The following ST3GAL2 variants were observed in gnomAD, a reference collection of about 807,000 sequenced individuals.
The protein encoded by ST3GAL2 is CMP-N-acetylneuraminate-beta-galactosamide-alpha-2,3-sialyltransferase 2.
ST3GAL2 carries 16 observed loss-of-function variants against 37.5 expected under a neutral mutation model. The observed-to-expected ratio is 0.43, with a 90% CI of 0.29 to 0.65. The LOEUF (loss-of-function observed/expected upper bound fraction) is 0.65, where lower values mean the gene tolerates loss of function less well. Ranked by LOEUF, ST3GAL2 falls within the 30% of genes least tolerant of loss-of-function variation. The pLI is 0.17. For synonymous variants in ST3GAL2, 238 were observed against 202.9 expected (o/e 1.17, Z -1.47); for missense variants, 383 against 487.8 (o/e 0.79, Z 2.02).
At chr16:70,383,001 G>A (rs1413282932) in intron 5 of ST3GAL2, 77 bp from the exon 6 acceptor site, 10 of 1,587,916 alleles carry the variant, frequency 6.3e-6, no homozygotes, top group Non-Finnish European at 8.6e-6. Flanking sequence ...GCTTCTACTT[G>A]TCTATGCCTG....
In ST3GAL2 at chr16:70,398,520, G is replaced by A; in HGVS notation, c.11C>T (p.Ser4Phe). The A allele has an allele frequency of 1.9e-6, 3 of 1,603,848 alleles. No homozygotes were observed. The highest frequency in any genetic ancestry group is 2.6e-6 in the Non-Finnish European group (3 of 1,175,020). The change falls in exon 2 of 7, where the codon TCC (serine) becomes TTC (phenylalanine). Residue 4 changes from serine to phenylalanine, a missense_variant. Physicochemically the swap from Ser to Phe is radical, Grantham distance 155. Transcript: ENST00000342907. ...CACGGAGAGGAACCACACCCGCAGG[G>A]AGCACTTCATGGTGCCGGCAGGCGG... MKC[S>F]LRVWFLSVAF...
At chr16:70,411,537 G>A (rs1005465977) in intron 1 of ST3GAL2, among the ~76,000 whole-genome samples, 24 of 152,174 alleles carry the variant, frequency 1.6e-4, no homozygotes, top group African/African-American at 2.2e-4. Flanking sequence ...TTGCACCCTC[G>A]TATGGCAGAG....
intron 1 of ST3GAL2, chr16:70,400,125 C>T (rs1401763310): frequency 6.6e-6 from 1 of 152,410 alleles, no homozygotes; most frequent in African/African-American, 2.4e-5. Context: ...TTGGTCCTGC[C>T]CCCGGACAGC....
intron 4 of ST3GAL2, among the ~76,000 whole-genome samples, chr16:70,387,842 C>T (rs1432583317): frequency 1.3e-5 from 2 of 151,842 alleles, no homozygotes; most frequent in Non-Finnish European, 2.9e-5. Flanking sequence ...TGGCCGGGTG[C>T]GGTGGCTCAC....
intron 4 of ST3GAL2, among the ~76,000 whole-genome samples, chr16:70,384,811 G>A (rs913809805): frequency 2.7e-5 from 4 of 149,938 alleles, no homozygotes; most frequent in African/African-American, 7.4e-5. Context: ...GATCACCTGA[G>A]GTCAGGGGTT....
At chr16:70,388,324 G>A in intron 4 of ST3GAL2, 43 bp downstream of exon 4, 2 of 1,611,804 alleles carry the variant, frequency 1.2e-6, no homozygotes, top group South Asian at 1.1e-5. Flanking sequence ...TGCCCAAGAT[G>A]GTCCTGTCAC....
chr16:70,425,954 C>T (rs755761322), intron 1 of ST3GAL2, among the ~76,000 whole-genome samples: 6 of 152,174 alleles, frequency 3.9e-5, no homozygotes, highest in Non-Finnish European at 8.8e-5. Context: ...GCCCTGACTG[C>T]ATGGCCTTCT....
chr16:70,406,227 T>C (rs2047591419), intron 1 of ST3GAL2, among the ~76,000 whole-genome samples: 1 of 152,018 alleles, frequency 6.6e-6, no homozygotes, highest in Non-Finnish European at 1.5e-5. Flanking sequence ...GCAGATCACC[T>C]GGGGTCAGGA....
At chr16:70,416,602 T>C (rs2047678242) in intron 1 of ST3GAL2, among the ~76,000 whole-genome samples, 1 of 152,126 alleles carries the variant, frequency 6.6e-6, no homozygotes, top group South Asian at 2.1e-4. Context: ...AAAGAAATGA[T>C]GGTTATAAAA....
intron 3 of ST3GAL2, among the ~76,000 whole-genome samples, chr16:70,392,486 C>T (rs1346357191): frequency 1.3e-5 from 2 of 152,192 alleles, no homozygotes; most frequent in African/African-American, 4.8e-5. Flanking sequence ...TGTTGGCTGC[C>T]TAGTCCCCTT....
In ST3GAL2 at chr16:70,439,096, C is replaced by G. The variant is rs1450428500; in HGVS notation, c.-1151G>C. The G allele has an allele frequency of 6.3e-6, 1 of 159,234 alleles. No homozygotes were observed. Among genetic ancestry groups the G allele is most frequent in the Non-Finnish European group, 1.4e-5 (1 of 73,870 alleles). The allele number at this position is 159,234 out of a possible 1,614,324, so 9.9% of individuals were successfully genotyped here. ...AGCTCTCTCGTCCGCCCGCCGTGGG[C>G]TAGTCCCGCCCTTGCCTGGCCCAAC... On this transcript the variant is annotated 5_prime_UTR_variant, in exon 1 of 7. Transcript: ENST00000342907.
chr16:70,432,006 G>A (rs72790696), intron 1 of ST3GAL2, among the ~76,000 whole-genome samples: 7,798 of 145,408 alleles, frequency 0.054, 254 homozygotes, highest in Middle Eastern at 0.12. Context: ...ACTTAGCTGG[G>A]CACAAAGTAG....
At chr16:70,403,584 C>T (rs985632514) in intron 1 of ST3GAL2, among the ~76,000 whole-genome samples, 3 of 152,140 alleles carry the variant, frequency 2.0e-5, no homozygotes, top group African/African-American at 4.8e-5. Context: ...GAGGCCGAGG[C>T]GGGCGGATCA....
At chr16:70,402,283 C>CAAAAAA (rs1042560583) in intron 1 of ST3GAL2, among the ~76,000 whole-genome samples, 13 of 40,702 alleles carry the variant, frequency 3.2e-4, no homozygotes, top group East Asian at 7.2e-4. Flanking sequence ...AACTATTTCT[C>CAAAAAA]AAAAAAAAAA....
chr16:70,383,002 T>C, intron 5 of ST3GAL2, 78 bp from the exon 6 acceptor site: 1 of 1,588,440 alleles, frequency 6.3e-7, no homozygotes, highest in Non-Finnish European at 8.6e-7. Flanking sequence ...CTTCTACTTG[T>C]CTATGCCTGT....
chr16:70,389,132 C>T (rs956979478), intron 3 of ST3GAL2, among the ~76,000 whole-genome samples: 2 of 123,412 alleles, frequency 1.6e-5, no homozygotes, highest in Non-Finnish European at 3.2e-5. Context: ...GTAATCCCAG[C>T]ACTTTGGGAG....
chr16:70,409,645 T>C (rs1342523904), intron 1 of ST3GAL2, among the ~76,000 whole-genome samples: 1 of 151,722 alleles, frequency 6.6e-6, no homozygotes, highest in Non-Finnish European at 1.5e-5. Flanking sequence ...GCCCAGGCTT[T>C]TTCCCCCTTT....
rs1475200013 is a variant in ST3GAL2 at position 70,398,771 on chromosome 16, G to A, written c.-241C>T. 12 of 587,148 alleles carry A rather than the reference G, an allele frequency of 2.0e-5. 1 individual carries two copies. The highest frequency in any genetic ancestry group is 1.3e-4 in the African/African-American group (7 of 53,680). The allele number at this position is 587,148 out of a possible 1,614,324, so 36.4% of individuals were successfully genotyped here. ...CGGGGCCCCTGCTTAGGGCTTCATC[G>A]GGTCTCTCCGTCACTAGCTAGGCCA... On this transcript the variant is annotated 5_prime_UTR_variant, in exon 2 of 7. Coordinates refer to ENST00000342907, the MANE Select transcript of ST3GAL2 (RefSeq NM_006927.4).
intron 1 of ST3GAL2, among the ~76,000 whole-genome samples, chr16:70,409,534 G>C (rs1336245749): frequency 1.3e-5 from 2 of 152,056 alleles, no homozygotes; most frequent in Non-Finnish European, 2.9e-5. Flanking sequence ...GTCGAGATGG[G>C]GTTTAACCGT....
Sources: gnomAD v4.1 joint callset for allele counts (sites outside exome capture counted in the v4.1 genomes callset) on GRCh38, gnomAD v4.1.1 for gene constraint, MANE v1.5 for transcripts, NCBI Gene and HGNC (gene_info 2026-07-23, HGNC 2026-07-21) for gene names.